DPP10: variants seen among roughly 807,000 people sequenced by gnomAD.
DPP10 encodes dipeptidyl peptidase like 10, also known as inactive dipeptidyl peptidase 10.
Under a neutral mutation model 120.9 loss-of-function variants are expected in DPP10, and 33 were observed. The observed-to-expected ratio is 0.27, with a 90% CI of 0.21 to 0.37. The LOEUF is 0.37. Ranked by LOEUF, DPP10 falls within the 10% of genes least tolerant of loss-of-function variation. The pLI is 1.00. For missense variants in DPP10, 816 were observed against 942.8 expected, an observed-to-expected ratio of 0.87 and a Z score of 1.76; for synonymous variants, 337 against 326.1, an observed-to-expected ratio of 1.03 and a Z score of -0.36.
intron 1 of DPP10, among the ~76,000 whole-genome samples, chr2:114,798,346 G>A (rs927396978): frequency 6.6e-6 from 1 of 152,076 alleles, no homozygotes; most frequent in Non-Finnish European, 1.5e-5. Flanking sequence ...TCAGAAGGTG[G>A]TATACTAGAA....
At chr2:115,182,913 A>G (rs951848237) in intron 1 of DPP10, among the ~76,000 whole-genome samples, 5 of 152,108 alleles carry the variant, frequency 3.3e-5, no homozygotes, top group African/African-American at 9.7e-5. Context: ...TGAGTGGTAA[A>G]CTTAGCTCCA....
In DPP10 at chr2:115,707,458, ACACACT is replaced by A. The variant is rs1260376370; in HGVS notation, c.576+17539_576+17544del. Among the ~76,000 whole-genome samples the A allele has an allele frequency of 2.6e-3, 390 of 148,806 alleles. 1 individual carries two copies. Among genetic ancestry groups the A allele is most frequent in the African/African-American group, 8.2e-3 (326 of 39,810 alleles). On this transcript the variant is annotated intron_variant, in intron 7 of 25. Coordinates refer to ENST00000410059, the MANE Select transcript of DPP10 (RefSeq NM_020868.6). ...CACACACACACACACACACACACAC[ACACACT>A]CTCTCCACATTTTTTATTGGAATAC...
intron 1 of DPP10, among the ~76,000 whole-genome samples, chr2:115,056,085 G>C (rs1163670966): frequency 1.3e-5 from 2 of 152,086 alleles, no homozygotes; most frequent in Non-Finnish European, 2.9e-5. Flanking sequence ...CTTTCTTCCT[G>C]AACATCAGCC....
At chr2:115,758,877 T>C (rs1004593827) in intron 11 of DPP10, among the ~76,000 whole-genome samples, 1 of 152,066 alleles carries the variant, frequency 6.6e-6, no homozygotes, top group Non-Finnish European at 1.5e-5. Flanking sequence ...GGCATCCCGA[T>C]TGGATAAAAA....
chr2:114,998,507 C>T (rs1701240929), intron 1 of DPP10, among the ~76,000 whole-genome samples: 1 of 152,144 alleles, frequency 6.6e-6, no homozygotes, highest in Non-Finnish European at 1.5e-5. Flanking sequence ...TCATAGTGGG[C>T]AGCAATATAC....
intron 4 of DPP10, among the ~76,000 whole-genome samples, chr2:115,521,262 G>C (rs989805612): frequency 6.6e-6 from 1 of 152,122 alleles, no homozygotes; most frequent in Non-Finnish European, 1.5e-5. Context: ...GTCATTTGGG[G>C]AACTTGTTCC....
At chr2:114,527,070 G>T (rs760269130) in intron 1 of DPP10, among the ~76,000 whole-genome samples, 2 of 152,014 alleles carry the variant, frequency 1.3e-5, no homozygotes, top group Non-Finnish European at 1.5e-5. Flanking sequence ...TTACTTTGAG[G>T]TTCCTTCTCA....
At chr2:115,570,465 T>G (rs528763828) in intron 5 of DPP10, among the ~76,000 whole-genome samples, 84 of 152,346 alleles carry the variant, frequency 5.5e-4, no homozygotes, top group African/African-American at 2.0e-3. Context: ...GTCTTTCACA[T>G]AGTCCACACT....
chr2:114,688,473 G>A (rs1320255591), intron 1 of DPP10, among the ~76,000 whole-genome samples: 1 of 151,876 alleles, frequency 6.6e-6, no homozygotes, highest in Admixed American at 6.6e-5. Context: ...ATGTAGAAAT[G>A]CAACAAAACC....
intron 1 of DPP10, among the ~76,000 whole-genome samples, chr2:114,581,715 T>A (rs1031034657): frequency 6.6e-6 from 1 of 152,184 alleles, no homozygotes; most frequent in Non-Finnish European, 1.5e-5. Context: ...GACATGTACA[T>A]TTTATATCTG....
chr2:115,252,084 G>A (rs1013919967), intron 1 of DPP10, among the ~76,000 whole-genome samples: 10 of 152,240 alleles, frequency 6.6e-5, no homozygotes, highest in Middle Eastern at 3.4e-3. Flanking sequence ...CTCCTCAATC[G>A]GAACATATCG....
At chr2:115,073,763 A>G (rs1707562225) in intron 1 of DPP10, among the ~76,000 whole-genome samples, 1 of 152,252 alleles carries the variant, frequency 6.6e-6, no homozygotes, top group African/African-American at 2.4e-5. Flanking sequence ...TATACTCAAC[A>G]GTTCCAAGGC....
At chr2:115,675,672 T>C (rs1254290507) in intron 5 of DPP10, among the ~76,000 whole-genome samples, 2 of 152,160 alleles carry the variant, frequency 1.3e-5, no homozygotes, top group African/African-American at 2.4e-5. Flanking sequence ...CTAGCTATAG[T>C]AGAGCCCCTC....
intron 1 of DPP10, among the ~76,000 whole-genome samples, chr2:114,878,861 T>A (rs1159321816): frequency 6.6e-6 from 1 of 152,146 alleles, no homozygotes; most frequent in Non-Finnish European, 1.5e-5. Context: ...TGATTCCATA[T>A]CTTGGCTATT....
intron 1 of DPP10, among the ~76,000 whole-genome samples, chr2:115,219,261 C>T (rs994457743): frequency 6.6e-6 from 1 of 152,048 alleles, no homozygotes; most frequent in Non-Finnish European, 1.5e-5. Context: ...TATTTCTAGA[C>T]CAAAATTCTC....
At chr2:115,155,391 T>G (rs1180135176) in intron 1 of DPP10, among the ~76,000 whole-genome samples, 1 of 151,860 alleles carries the variant, frequency 6.6e-6, no homozygotes, top group African/African-American at 2.4e-5. Flanking sequence ...GGCTTCTCCA[T>G]GTGAAAGGTC....
intron 1 of DPP10, among the ~76,000 whole-genome samples, chr2:114,779,977 A>AT (rs1682154725): frequency 6.6e-6 from 1 of 152,062 alleles, no homozygotes; most frequent in African/African-American, 2.4e-5. Context: ...TCTACTAAAA[A>AT]TACAAAAAAT....
At chr2:115,245,009 C>G (rs1387446425) in intron 1 of DPP10, among the ~76,000 whole-genome samples, 1 of 151,940 alleles carries the variant, frequency 6.6e-6, no homozygotes, top group African/African-American at 2.4e-5. Context: ...GCCCCTTCCC[C>G]CCGAGTCTCC....
intron 7 of DPP10, among the ~76,000 whole-genome samples, chr2:115,691,761 T>C (rs1192654709): frequency 2.0e-5 from 3 of 152,138 alleles, no homozygotes; most frequent in Non-Finnish European, 4.4e-5. Flanking sequence ...TTTTGGGAAA[T>C]TAACATCTTA....
Sources: gnomAD v4.1 joint callset for allele counts (sites outside exome capture counted in the v4.1 genomes callset) on GRCh38, gnomAD v4.1.1 for gene constraint, MANE v1.5 for transcripts, NCBI Gene and HGNC (gene_info 2026-07-23, HGNC 2026-07-21) for gene names.